The following ZDHHC11B variants were observed in gnomAD, a reference collection of about 807,000 sequenced individuals.
ZDHHC11B encodes the protein zDHHC palmitoyltransferase 11B (putative).
Under a neutral mutation model 42.3 loss-of-function variants are expected in ZDHHC11B, and 17 were observed. The ratio of observed to expected loss-of-function variants is 0.40; its 90% CI spans 0.27 to 0.60. The LOEUF is 0.60. Among genes scored for constraint, ZDHHC11B ranks in the 20% least tolerant of loss-of-function variants. The pLI is 0.41. For synonymous variants in ZDHHC11B, 123 were observed against 193.5 expected, an observed-to-expected ratio of 0.64 and a Z score of 3.02; for missense variants, 262 against 463.2, an observed-to-expected ratio of 0.57 and a Z score of 3.99.
chr5:770,601 G>A (rs753197877), intron 1 of ZDHHC11B, among the ~76,000 whole-genome samples: 6,323 of 135,504 alleles, frequency 0.047, 4 homozygotes, highest in African/African-American at 0.12. Context: ...CCTTCCTCTG[G>A]GAAGGTCCAC....
chr5:758,952 C>T (rs2127146021), intron 4 of ZDHHC11B, among the ~76,000 whole-genome samples: 1 of 152,002 alleles, frequency 6.6e-6, no homozygotes, highest in African/African-American at 2.4e-5. Context: ...CCATCACCCA[C>T]TCGGGTAACC....
intron 4 of ZDHHC11B, among the ~76,000 whole-genome samples, chr5:766,104 T>C (rs1486354586): frequency 6.6e-6 from 1 of 151,832 alleles, no homozygotes; most frequent in Admixed American, 6.6e-5. Flanking sequence ...CTGGAGGTAG[T>C]GCAGAGCCCA....
intron 12 of ZDHHC11B, among the ~76,000 whole-genome samples, chr5:718,161 G>A (rs1446550739): frequency 2.0e-5 from 3 of 151,846 alleles, no homozygotes; most frequent in Non-Finnish European, 4.4e-5. Flanking sequence ...AGACATACAG[G>A]TTGGTGGGGA....
chr5:777,945 G>A lies in ZDHHC11B; in HGVS notation c.-230+6723C>T, dbSNP rs562392483. On this transcript the variant is annotated intron_variant, in intron 1 of 13. Coordinates refer to ENST00000508859, the MANE Select transcript of ZDHHC11B (RefSeq NM_001351303.2). Reference sequence around the variant, plus strand: ...GGGGCGTGGCCTCGGCATGGCGGTCGGCGGGTCCCGAGCCCTGCCCAGCAG... The same window carrying A: ...GGGGCGTGGCCTCGGCATGGCGGTCAGCGGGTCCCGAGCCCTGCCCAGCAG... Among the ~76,000 whole-genome samples, 48 of 151,788 alleles carry A rather than the reference G, an allele frequency of 3.2e-4. 1 individual carries two copies. Among genetic ancestry groups the A allele is most frequent in the East Asian group, 7.7e-4 (4 of 5,172 alleles).
At chr5:770,095 G>T (rs1393056103) in intron 1 of ZDHHC11B, among the ~76,000 whole-genome samples, 1 of 151,624 alleles carries the variant, frequency 6.6e-6, no homozygotes, top group Non-Finnish European at 1.5e-5. Context: ...GCTTTGGCAG[G>T]CTTGGCCTTG....
chr5:754,506 A>G (rs1324218706), intron 6 of ZDHHC11B, among the ~76,000 whole-genome samples: 1 of 76,736 alleles, frequency 1.3e-5, no homozygotes, highest in Non-Finnish European at 2.4e-5. Context: ...TCTTCCTTGC[A>G]TCTCCACCGT....
chr5:754,353 C>G (rs1746271431), intron 6 of ZDHHC11B, among the ~76,000 whole-genome samples: 1 of 126,514 alleles, frequency 7.9e-6, no homozygotes, highest in Non-Finnish European at 1.7e-5. Flanking sequence ...ATCTGTGAGC[C>G]TCCACCGTGA....
intron 6 of ZDHHC11B, 147 bp from the exon 7 acceptor site, chr5:751,404 G>GGGGCACACAAA: frequency 8.2e-6 from 1 of 121,372 alleles, no homozygotes; most frequent in African/African-American, 4.7e-5. Context: ...GGGCACGCAA[G>GGGGCACACAAA]GGCAGGTGTG....
chr5:712,715 C>T lies in ZDHHC11B; in HGVS notation c.*8-433G>A, dbSNP rs185150330. On this transcript the variant is annotated intron_variant, in intron 13 of 13. Coordinates refer to ENST00000508859, the MANE Select transcript of ZDHHC11B (RefSeq NM_001351303.2). ...ATGAGGTCAGGAGATCGAGACCTTC[C>T]TGGCTAATACGGTGAAACCCCGTCT... Among the ~76,000 whole-genome samples the T allele has an allele frequency of 1.7e-3, 256 of 151,416 alleles. 2 individuals carry two copies. Among genetic ancestry groups the T allele is most frequent in the African/African-American group, 5.8e-3 (239 of 41,206 alleles).
chr5:720,041 T>C (rs1331188966), intron 12 of ZDHHC11B, among the ~76,000 whole-genome samples: 8 of 151,742 alleles, frequency 5.3e-5, no homozygotes, highest in Non-Finnish European at 1.5e-5. Flanking sequence ...CAGTTTCAGA[T>C]ACTTACTGAG....
chr5:766,607 G>T, intron 4 of ZDHHC11B, 91 bp downstream of exon 4: 1 of 1,352,724 alleles, frequency 7.4e-7, no homozygotes, highest in Middle Eastern at 1.9e-4. Context: ...GGTGCCACCG[G>T]GCAGCCATGG....
intron 12 of ZDHHC11B, among the ~76,000 whole-genome samples, chr5:717,435 C>T (rs372824030): frequency 5.9e-5 from 9 of 151,366 alleles, no homozygotes; most frequent in Middle Eastern, 3.2e-3. Context: ...GTTGGGGATC[C>T]GGCTTAAGTT....
At chr5:765,978 A>C (rs1306408466) in intron 4 of ZDHHC11B, among the ~76,000 whole-genome samples, 3 of 151,912 alleles carry the variant, frequency 2.0e-5, no homozygotes, top group Non-Finnish European at 4.4e-5. Flanking sequence ...ATATGGTTCC[A>C]GTGCCCCAAG....
intron 10 of ZDHHC11B, among the ~76,000 whole-genome samples, chr5:734,330 T>C (rs1743354048): frequency 9.3e-6 from 1 of 107,340 alleles, no homozygotes; most frequent in East Asian, 2.5e-4. Flanking sequence ...AGGTGACAAC[T>C]CCGCTGCTGT....
intron 12 of ZDHHC11B, among the ~76,000 whole-genome samples, chr5:730,044 T>C (rs1483207805): frequency 5.3e-5 from 8 of 151,550 alleles, no homozygotes; most frequent in Non-Finnish European, 8.8e-5. Flanking sequence ...TGGGCTGGAA[T>C]TGTGCAGTGT....
intron 12 of ZDHHC11B, among the ~76,000 whole-genome samples, chr5:717,658 A>T (rs1226313107): frequency 1.4e-4 from 22 of 151,848 alleles, no homozygotes; most frequent in African/African-American, 5.3e-4. Context: ...ACAGGACATC[A>T]AAGAAAAGCA....
intron 11 of ZDHHC11B, among the ~76,000 whole-genome samples, chr5:731,572 T>G (rs1172183299): frequency 6.6e-6 from 1 of 151,572 alleles, no homozygotes. Context: ...TGAGCTGTTG[T>G]GTATTTTTGA....
intron 1 of ZDHHC11B, among the ~76,000 whole-genome samples, chr5:777,513 C>A (rs188463554): frequency 1.4e-4 from 21 of 152,016 alleles, no homozygotes; most frequent in African/African-American, 2.4e-5. Flanking sequence ...AGCAAAAGAA[C>A]AAACTTTCCA....
intron 6 of ZDHHC11B, among the ~76,000 whole-genome samples, chr5:754,483 A>AG (rs1746306716): frequency 6.6e-5 from 8 of 120,440 alleles, no homozygotes; most frequent in Non-Finnish European, 8.9e-5. Context: ...CACCGTGCTC[A>AG]GGGAAACATC....
Sources: allele counts gnomAD v4.1 joint callset (sites outside exome capture counted in the v4.1 genomes callset), GRCh38; gene constraint gnomAD v4.1.1; transcripts MANE v1.5; gene names NCBI Gene and HGNC (gene_info 2026-07-23, HGNC 2026-07-21).